Variants in PTPRD observed in about 807,000 individuals in gnomAD.
PTPRD encodes the protein receptor-type tyrosine-protein phosphatase delta.
Under a neutral mutation model 214.5 loss-of-function variants are expected in PTPRD, and 34 were observed. The observed-to-expected ratio is 0.16, with a 90% confidence interval of 0.12 to 0.21. PTPRD has a LOEUF of 0.21. PTPRD is among the 10% of genes least tolerant of loss of function. The probability of loss-of-function intolerance (pLI) is 1.00; values close to 1 mark genes in which losing one functional copy is unlikely to be tolerated. For missense variants in PTPRD, 2,545 were observed against 2,398.7 expected, an observed-to-expected ratio of 1.06 and a Z score of -1.27; for synonymous variants, 1,128 against 845.7, an observed-to-expected ratio of 1.33 and a Z score of -5.79.
intron 9 of PTPRD, among the ~76,000 whole-genome samples, chr9:9,393,283 T>C (rs2066537636): frequency 6.6e-6 from 1 of 152,178 alleles, no homozygotes; most frequent in African/African-American, 2.4e-5. Context: ...ATATAACTTA[T>C]TTTGACCAAT....
At position 10,060,881 on chromosome 9, in the gene PTPRD, C is replaced by CT. The variant is rs1301930331; in HGVS notation, c.-544-27092dup. 3.5e-4 allele frequency among the ~76,000 whole-genome samples: 24 copies of CT among 68,400 alleles called. No homozygotes were observed. The African/African-American group carries it at 4.8e-3, about 14-fold the overall frequency. The allele number at this position is 68,400 out of a possible 152,430, so 44.9% of individuals were successfully genotyped here. A position where few individuals can be genotyped will look rare whatever the true frequency, so the allele number is the denominator to read the frequency against. On this transcript the variant is annotated intron_variant, in intron 3 of 45. Transcript: ENST00000381196. ...TCTTCCTTCCTTCTTTCCTTCCTTC[C>CT]TTCCTTCCTTCCTTCCTTCTTTCTT...
chr9:9,685,055 T>C (rs1165623889), intron 7 of PTPRD, among the ~76,000 whole-genome samples: 1 of 151,490 alleles, frequency 6.6e-6, no homozygotes, highest in African/African-American at 2.4e-5. Context: ...AGCATAAAAC[T>C]TTAAACTTTT....
At chr9:8,891,151 T>TTTTTTTTTTTTTTG (rs1345759298) in intron 11 of PTPRD, among the ~76,000 whole-genome samples, 1 of 149,636 alleles carries the variant, frequency 6.7e-6, no homozygotes, top group Admixed American at 6.6e-5. Context: ...TTTTTTTTTT[T>TTTTTTTTTTTTTTG]GAGACTGAGT....
intron 2 of PTPRD, among the ~76,000 whole-genome samples, chr9:10,610,529 C>T (rs2080709512): frequency 6.6e-6 from 1 of 151,254 alleles, no homozygotes; most frequent in Non-Finnish European, 1.5e-5. Context: ...TTCCAAATAT[C>T]AGATAGCCTC....
At position 8,922,912 on chromosome 9, in the gene PTPRD, C is replaced by A. The variant is rs190228386; in HGVS notation, c.-104+95785G>T. Among the ~76,000 whole-genome samples, 4 of 151,812 alleles carry A rather than the reference C, an allele frequency of 2.6e-5. No individual in the cohort carries two copies. The East Asian group carries it at 7.8e-4, about 29-fold the overall frequency. ...TCTCCTGACCTTGTGATCCACCCAC[C>A]TCAGCCTCCCTAAGTGTTGGGATTA... On this transcript the variant is annotated intron_variant, in intron 11 of 45. Coordinates refer to ENST00000381196, the MANE Select transcript of PTPRD (RefSeq NM_002839.4).
At chr9:9,701,032 C>T (rs1347428794) in intron 7 of PTPRD, among the ~76,000 whole-genome samples, 1 of 149,964 alleles carries the variant, frequency 6.7e-6, no homozygotes, top group Non-Finnish European at 1.5e-5. Context: ...ACACTTCATC[C>T]TGAGATTAAA....
intron 5 of PTPRD, chr9:9,799,425 TAAGG>T (rs1337235193): frequency 1.3e-5 from 2 of 152,270 alleles, no homozygotes; most frequent in East Asian, 3.9e-4. Context: ...TTTGAAGCCC[TAAGG>T]GTAGAAAGGG....
intron 10 of PTPRD, among the ~76,000 whole-genome samples, chr9:9,116,944 T>C (rs1426820048): frequency 6.6e-6 from 1 of 152,152 alleles, no homozygotes; most frequent in African/African-American, 2.4e-5. Flanking sequence ...ACCCATAGTA[T>C]GGATACATAT....
chr9:9,729,243 CT>C (rs1331009678), intron 7 of PTPRD, among the ~76,000 whole-genome samples: 1 of 152,100 alleles, frequency 6.6e-6, no homozygotes, highest in Non-Finnish European at 1.5e-5. Context: ...AGTATCTTCA[CT>C]GCAGCTGTCC....
At chr9:8,782,568 A>G (rs2095762123) in intron 11 of PTPRD, among the ~76,000 whole-genome samples, 1 of 151,014 alleles carries the variant, frequency 6.6e-6, no homozygotes, top group South Asian at 2.1e-4. Context: ...CAGTGCTGAG[A>G]CACTCATGAA....
intron 9 of PTPRD, among the ~76,000 whole-genome samples, chr9:9,298,603 A>C (rs949267797): frequency 6.6e-6 from 1 of 151,798 alleles, no homozygotes; most frequent in Admixed American, 6.6e-5. Flanking sequence ...TGCTGCAAAG[A>C]TTATGATAAC....
Position 9,947,596 on chromosome 9 carries a change from A to T in PTPRD, c.-471-8986T>A, listed in dbSNP as rs868555133. ...TATATTATATATATATTATATATAT[A>T]ATATATATATTTTATATATATATAT... On this transcript the variant is annotated intron_variant, in intron 4 of 45. Coordinates refer to ENST00000381196, the MANE Select transcript of PTPRD (RefSeq NM_002839.4). Among the ~76,000 whole-genome samples, 65 of 47,904 alleles carry T rather than the reference A, an allele frequency of 1.4e-3. 2 individuals carry two copies. The highest frequency in any genetic ancestry group is 4.9e-3 in the African/African-American group (41 of 8,436). 31.4% of individuals were successfully genotyped at this position (47,904 alleles called of 152,430 possible).
chr9:10,512,709 T>C (rs1304358329), intron 2 of PTPRD, among the ~76,000 whole-genome samples: 1 of 152,016 alleles, frequency 6.6e-6, no homozygotes, highest in South Asian at 2.1e-4. Flanking sequence ...AGTACAGGAC[T>C]TTGGTGAGGT....
intron 31 of PTPRD, among the ~76,000 whole-genome samples, chr9:8,469,809 G>A (rs10511496): frequency 0.16 from 25,038 of 151,986 alleles, 2,215 homozygotes; most frequent in East Asian, 0.25. Context: ...CTCCTCGTCT[G>A]AACACGATCA....
chr9:9,432,173 T>G (rs11794884), intron 8 of PTPRD, among the ~76,000 whole-genome samples: 56,821 of 151,322 alleles, frequency 0.38, 11,251 homozygotes, highest in Middle Eastern at 0.59. Context: ...GCAGTGTTTA[T>G]AGAATTAGTT....
chr9:10,236,763 T>C lies in PTPRD; in HGVS notation c.-545+104200A>G, dbSNP rs2099630320. ...CTCTATTTTGAAATAAGCCTTCATGTTTTAGTTCAAAATACTTCACAATAT... is the reference window on the plus strand; with the variant it reads ...CTCTATTTTGAAATAAGCCTTCATGCTTTAGTTCAAAATACTTCACAATAT... On this transcript the variant is annotated intron_variant, in intron 3 of 45. Transcript: ENST00000381196. 3.3e-5 allele frequency among the ~76,000 whole-genome samples: 5 copies of C among 151,914 alleles called. No individual in the cohort carries two copies. In the South Asian group the frequency reaches 1.0e-3, roughly 31 times the overall value.
intron 14 of PTPRD, among the ~76,000 whole-genome samples, chr9:8,601,757 G>A (rs1009097131): frequency 1.3e-5 from 2 of 152,132 alleles, no homozygotes; most frequent in Admixed American, 6.5e-5. Context: ...ATTCTTAAAC[G>A]AATAGCATAG....
At chr9:9,811,717 C>CA (rs1412781717) in intron 5 of PTPRD, among the ~76,000 whole-genome samples, 2 of 151,844 alleles carry the variant, frequency 1.3e-5, no homozygotes, top group Non-Finnish European at 2.9e-5. Flanking sequence ...AAAAACAAAA[C>CA]AAAAAATGGT....
At chr9:8,383,621 T>C (rs540688259) in intron 37 of PTPRD, among the ~76,000 whole-genome samples, 3 of 152,142 alleles carry the variant, frequency 2.0e-5, no homozygotes, top group Non-Finnish European at 4.4e-5. Context: ...AACCAAGAAT[T>C]AGGATTCTTC....
Sources: gnomAD v4.1 joint callset for allele counts (sites outside exome capture counted in the v4.1 genomes callset) on GRCh38, gnomAD v4.1.1 for gene constraint, MANE v1.5 for transcripts, NCBI Gene and HGNC (gene_info 2026-07-23, HGNC 2026-07-21) for gene names.